Variants in WDR72 observed in about 807,000 individuals in gnomAD.
WDR72 encodes WD repeat-containing protein 72.
A neutral mutation model predicts 124.2 loss-of-function variants in WDR72; 120 were observed. The ratio of observed to expected loss-of-function variants is 0.97; its 90% CI spans 0.83 to 1.12. The LOEUF (loss-of-function observed/expected upper bound fraction) is 1.12, where lower values mean the gene tolerates loss of function less well. Ranked by LOEUF, WDR72 falls within the 50% of genes most tolerant of loss-of-function variation. The probability of loss-of-function intolerance (pLI) is 0.00; values close to 1 mark genes in which losing one functional copy is unlikely to be tolerated. For missense variants in WDR72, 1,387 were observed against 1,278.8 expected (o/e 1.08, Z -1.29); for synonymous variants, 452 against 441.7 (o/e 1.02, Z -0.29).
chr15:53,637,963 T>C (rs1036904506), intron 14 of WDR72, among the ~76,000 whole-genome samples: 1 of 152,194 alleles, frequency 6.6e-6, no homozygotes, highest in African/African-American at 2.4e-5. Context: ...GAGGGGTTAC[T>C]TCCCATATCA....
Position 53,702,359 on chromosome 15 carries a change from A to G in WDR72, c.1349-5T>C. The G allele has an allele frequency of 6.2e-7, 1 of 1,601,290 alleles. No homozygotes were observed. The highest frequency in any genetic ancestry group is 8.6e-7 in the Non-Finnish European group (1 of 1,168,522). ...GAACTTTATGAGGGGGAGAATCTGA[A>G]AAACAATGAAACACCAAATAATACA... On this transcript the variant is annotated splice_polypyrimidine_tract_variant and splice_region_variant and intron_variant, in intron 11 of 19. Coordinates refer to ENST00000360509, the MANE Select transcript of WDR72 (RefSeq NM_182758.4).
intron 2 of WDR72, among the ~76,000 whole-genome samples, chr15:53,729,125 G>A (rs1194951045): frequency 6.6e-6 from 1 of 152,004 alleles, no homozygotes; most frequent in Non-Finnish European, 1.5e-5. Flanking sequence ...CTAAATCTGG[G>A]AAAGATCCTT....
chr15:53,529,066 CA>C (rs1319136134), intron 18 of WDR72, among the ~76,000 whole-genome samples: 8 of 149,360 alleles, frequency 5.4e-5, no homozygotes, highest in Non-Finnish European at 1.2e-4. Context: ...TTATTAATGC[CA>C]AAAGGAAGTC....
intron 1 of WDR72, among the ~76,000 whole-genome samples, chr15:53,751,224 C>T (rs947711715): frequency 4.0e-5 from 6 of 150,022 alleles, no homozygotes; most frequent in African/African-American, 1.5e-4. Flanking sequence ...GCCTGGGCAA[C>T]ATAGTGAGAC....
At chr15:53,584,293 G>C (rs889897944) in intron 18 of WDR72, among the ~76,000 whole-genome samples, 40 of 151,832 alleles carry the variant, frequency 2.6e-4, no homozygotes, top group African/African-American at 9.7e-4. Context: ...ACCTCAAATG[G>C]GCATGAAGAA....
chr15:53,557,413 G>A (rs62005909), intron 18 of WDR72, among the ~76,000 whole-genome samples: 32,763 of 151,940 alleles, frequency 0.22, 3,607 homozygotes, highest in African/African-American at 0.25. Context: ...GAGCTTAAGG[G>A]TCTCTCAGAC....
intron 18 of WDR72, among the ~76,000 whole-genome samples, chr15:53,575,698 G>C (rs899084763): frequency 6.6e-6 from 1 of 152,092 alleles, no homozygotes; most frequent in African/African-American, 2.4e-5. Context: ...TGTGTGTAAA[G>C]CACACAGAAT....
intron 18 of WDR72, among the ~76,000 whole-genome samples, chr15:53,562,880 C>CA (rs1364675092): frequency 1.3e-4 from 19 of 151,636 alleles, no homozygotes; most frequent in African/African-American, 4.6e-4. Flanking sequence ...AATAAATGAG[C>CA]AATGATGAAC....
intron 17 of WDR72, among the ~76,000 whole-genome samples, chr15:53,599,213 C>G (rs900938730): frequency 2.6e-5 from 4 of 151,882 alleles, no homozygotes; most frequent in South Asian, 4.2e-4. Flanking sequence ...TATTGGTAAA[C>G]CATGCTGATT....
At chr15:53,631,545 T>C (rs1391546376) in intron 14 of WDR72, among the ~76,000 whole-genome samples, 1 of 152,136 alleles carries the variant, frequency 6.6e-6, no homozygotes, top group African/African-American at 2.4e-5. Context: ...TGAAAGAGTA[T>C]GGAGGCCTCA....
chr15:53,567,364 A>G (rs1345564736), intron 18 of WDR72, among the ~76,000 whole-genome samples: 3 of 152,004 alleles, frequency 2.0e-5, no homozygotes, highest in Non-Finnish European at 4.4e-5. Flanking sequence ...CTGTCAGTCA[A>G]TTGATGGGTT....
intron 9 of WDR72, among the ~76,000 whole-genome samples, chr15:53,707,522 C>T (rs1013400878): frequency 1.3e-5 from 2 of 152,046 alleles, no homozygotes; most frequent in Admixed American, 6.5e-5. Context: ...TCTCGGCTCA[C>T]TGCAAGCTCT....
At chr15:53,749,461 C>T (rs1035846291) in intron 1 of WDR72, among the ~76,000 whole-genome samples, 1 of 152,068 alleles carries the variant, frequency 6.6e-6, no homozygotes, top group African/African-American at 2.4e-5. Flanking sequence ...ACTGGCCATT[C>T]CCCTGTCTCC....
chr15:53,541,463 A>C (rs904068496), intron 18 of WDR72, among the ~76,000 whole-genome samples: 4 of 150,914 alleles, frequency 2.7e-5, no homozygotes, highest in African/African-American at 9.8e-5. Context: ...TAACAAACAG[A>C]AAGGACATCC....
chr15:53,756,439 TG>T (rs2018909375), intron 1 of WDR72, among the ~76,000 whole-genome samples: 1 of 152,126 alleles, frequency 6.6e-6, no homozygotes, highest in African/African-American at 2.4e-5. Flanking sequence ...GACTAATACA[TG>T]GGCCCTCACA....
chr15:53,626,529 G>A (rs1363561196), intron 14 of WDR72, among the ~76,000 whole-genome samples: 1 of 152,206 alleles, frequency 6.6e-6, no homozygotes, highest in Non-Finnish European at 1.5e-5. Flanking sequence ...CGGACCAGAA[G>A]AGTGCAGCTG....
chr15:53,694,508 T>C (rs1345281471), intron 13 of WDR72, among the ~76,000 whole-genome samples: 1 of 152,168 alleles, frequency 6.6e-6, no homozygotes, highest in East Asian at 1.9e-4. Flanking sequence ...CCCTCTCCTT[T>C]AGGAGATCTT....
At chr15:53,668,039 G>T (rs1193526289) in intron 13 of WDR72, among the ~76,000 whole-genome samples, 2 of 152,162 alleles carry the variant, frequency 1.3e-5, no homozygotes, top group African/African-American at 4.8e-5. Context: ...GAATGACTCA[G>T]TCCAGGTCCC....
intron 18 of WDR72, among the ~76,000 whole-genome samples, chr15:53,537,974 G>A (rs1566948406): frequency 6.6e-6 from 1 of 152,100 alleles, no homozygotes; most frequent in Non-Finnish European, 1.5e-5. Context: ...CCTGTCCAAA[G>A]TCATCTGTAA....
Sources: gnomAD v4.1 joint callset for allele counts (sites outside exome capture counted in the v4.1 genomes callset) on GRCh38, gnomAD v4.1.1 for gene constraint, MANE v1.5 for transcripts, NCBI Gene and HGNC (gene_info 2026-07-23, HGNC 2026-07-21) for gene names.